The following SLTM variants were observed in gnomAD, a reference collection of about 807,000 sequenced individuals.
SLTM encodes the protein SAFB like transcription modulator, also known as SAFB-like transcription modulator.
Under a neutral mutation model 134.6 loss-of-function variants are expected in SLTM, and 43 were observed. The observed-to-expected ratio is 0.32, with a 90% CI of 0.25 to 0.41. The LOEUF is 0.41. Ranked by LOEUF, SLTM falls within the 10% of genes least tolerant of loss-of-function variation. SLTM has a pLI of 1.00. For missense variants in SLTM, 1,055 were observed against 1,288.8 expected (o/e 0.82, Z 2.78); for synonymous variants, 424 against 432.3 (o/e 0.98, Z 0.24).
At chr15:58,928,115 A>G (rs1378088922) in intron 2 of SLTM, among the ~76,000 whole-genome samples, 2 of 152,230 alleles carry the variant, frequency 1.3e-5, no homozygotes. Context: ...GGTATTGCAA[A>G]TTAGTTTTAA....
chr15:58,926,009 CT>C (rs1340029192), intron 2 of SLTM, among the ~76,000 whole-genome samples: 1 of 152,150 alleles, frequency 6.6e-6, no homozygotes, highest in Non-Finnish European at 1.5e-5. Context: ...AAATTTCAAG[CT>C]TTAGTTTAGA....
intron 3 of SLTM, 139 bp from the exon 4 acceptor site, chr15:58,913,835 T>A: frequency 1.6e-6 from 1 of 629,168 alleles, no homozygotes; most frequent in Non-Finnish European, 2.7e-6. Context: ...TCATTTTACC[T>A]TATATATTTA....
In SLTM at chr15:58,889,484, C is replaced by T. The variant is rs764971827; in HGVS notation, c.2150G>A (p.Arg717His). 9 of 1,613,958 alleles carry T rather than the reference C, an allele frequency of 5.6e-6. No individual in the cohort carries two copies. Among genetic ancestry groups the T allele is most frequent in the South Asian group, 2.2e-5 (2 of 91,084 alleles). Residue 717 changes from arginine to histidine, a missense_variant, in exon 16 of 21, where the codon CGT becomes CAT. Physicochemically the swap from Arg to His is conservative, Grantham distance 29. This residue lies in a region of SLTM where 776 missense variants were observed against 962.2 expected (regional missense o/e 0.81). Transcript: ENST00000380516. ...GGAATTCCTTTTTTCTTGTTCATAA[C>T]GAAGCTGCTGTTGTTGCCTTCTGAG... ...EELRRQQQQLRYEQEKRNSLK... is the reference protein window; with the variant it reads ...EELRRQQQQLHYEQEKRNSLK...
intron 5 of SLTM, among the ~76,000 whole-genome samples, chr15:58,911,956 G>C (rs558891154): frequency 2.0e-5 from 3 of 152,192 alleles, no homozygotes; most frequent in African/African-American, 7.2e-5. Flanking sequence ...AAAAAATCAA[G>C]AAGAATGTAG....
chr15:58,933,506 T>C lies in SLTM; in HGVS notation c.60A>G (p.Lys20=). ...ASAASGQAEG[K]KITDLRVIDL... ...CGATGACCCGCAGATCGGTGATCTTTTTACCTTCCGCCTGACCCGAGGCGG... is the reference window on the plus strand; with the variant it reads ...CGATGACCCGCAGATCGGTGATCTTCTTACCTTCCGCCTGACCCGAGGCGG... The change falls in exon 1 of 21, where the codon AAA becomes AAG. Residue 20 remains lysine (K), a synonymous_variant. Transcript: ENST00000380516. The C allele has an allele frequency of 1.3e-6, 2 of 1,599,570 alleles. No individual in the cohort carries two copies. Among genetic ancestry groups the C allele is most frequent in the South Asian group, 1.1e-5 (1 of 89,402 alleles).
chr15:58,920,343 G>A (rs538093780), intron 2 of SLTM, among the ~76,000 whole-genome samples: 62 of 152,018 alleles, frequency 4.1e-4, no homozygotes, highest in African/African-American at 1.2e-3. Flanking sequence ...AATAAATAAG[G>A]CTGGGCACAG....
chr15:58,924,859 T>C (rs2037348162), intron 2 of SLTM, among the ~76,000 whole-genome samples: 1 of 152,192 alleles, frequency 6.6e-6, no homozygotes, highest in Non-Finnish European at 1.5e-5. Flanking sequence ...TCTTGCTCTA[T>C]CGCCCAGGGT....
chr15:58,899,801 G>A lies in SLTM; in HGVS notation c.726C>T (p.Asn242=). The stretch of plus-strand genomic sequence containing the variant: ...CTTCAGCCTGGATTGTGACCGAGAT[G>A]TTGTCATCCTCAGCTTCTTTCACAG... The part of the protein sequence containing the change: ...HTTVKEAEDD[N]ISVTIQAEDA... The change falls in exon 7 of 21, where the codon AAC becomes AAT. Residue 242 remains asparagine (N), a synonymous_variant. Transcript: ENST00000380516. This position sits in a 1 kb window ranked among gnomAD's most constrained non-coding sequence, Gnocchi z 5.0. 6.2e-7 allele frequency: 1 copy of A among 1,614,132 alleles called. No homozygotes were observed. The highest frequency in any genetic ancestry group is 1.3e-5 in the African/African-American group (1 of 75,044).
At chr15:58,880,226 C>T (rs1404257673) in intron 20 of SLTM, 119 bp from the exon 21 acceptor site, 1 of 1,360,564 alleles carries the variant, frequency 7.3e-7, no homozygotes, top group Non-Finnish European at 9.7e-7. Context: ...TTCAACAGTC[C>T]CGTGAGGTCT....
At chr15:58,898,016 C>T (rs548224289) in intron 8 of SLTM, 3 of 152,148 alleles carry the variant, frequency 2.0e-5, no homozygotes, top group Admixed American at 6.5e-5. Flanking sequence ...ATAATTTTTA[C>T]TCACTTTAAG....
At chr15:58,920,296 G>A (rs2036935160) in intron 2 of SLTM, among the ~76,000 whole-genome samples, 1 of 151,890 alleles carries the variant, frequency 6.6e-6, no homozygotes, top group Admixed American at 6.6e-5. Context: ...ACTCATGCCT[G>A]AGAGACAGAG....
At chr15:58,926,500 CAT>C (rs2037477516) in intron 2 of SLTM, among the ~76,000 whole-genome samples, 2 of 152,048 alleles carry the variant, frequency 1.3e-5, no homozygotes, top group South Asian at 2.1e-4. Context: ...ACAGAGTAAA[CAT>C]GTACTTAATT....
intron 10 of SLTM, 102 bp from the exon 11 acceptor site, chr15:58,894,295 T>C: frequency 1.4e-6 from 2 of 1,409,532 alleles, no homozygotes; most frequent in Non-Finnish European, 2.0e-6. Context: ...ATAGGAAAAA[T>C]ATAAGGAGAG....
intron 5 of SLTM, 127 bp downstream of exon 5, chr15:58,912,436 C>T (rs138796475): frequency 1.2e-5 from 11 of 883,324 alleles, no homozygotes; most frequent in Non-Finnish European, 1.7e-5. Flanking sequence ...GTGTACATCA[C>T]GTAAATAACT....
At chr15:58,919,544 T>A (rs2036879749) in intron 2 of SLTM, among the ~76,000 whole-genome samples, 1 of 152,010 alleles carries the variant, frequency 6.6e-6, no homozygotes, top group South Asian at 2.1e-4. Flanking sequence ...GAGAACTGCT[T>A]GAACCCAGGA....
chr15:58,912,807 G>A lies in SLTM; in HGVS notation c.514-197C>T, dbSNP rs1216515934. ...AATTAGCCATGTCGCTAGAGAATTAGAAATATTTCTCTTGAGCCCCTCATT... is the reference window on the plus strand; with the variant it reads ...AATTAGCCATGTCGCTAGAGAATTAAAAATATTTCTCTTGAGCCCCTCATT... On this transcript the variant is annotated intron_variant, in intron 4 of 20. Coordinates refer to ENST00000380516, the MANE Select transcript of SLTM (RefSeq NM_024755.4). 5 of 513,528 alleles carry A rather than the reference G, an allele frequency of 9.7e-6. No individual in the cohort carries two copies. The Admixed American group carries it at 1.6e-4, about 16-fold the overall frequency. The allele number at this position is 513,528 out of a possible 1,614,324, so 31.8% of individuals were successfully genotyped here.
intron 20 of SLTM, among the ~76,000 whole-genome samples, chr15:58,882,660 A>G (rs1468443201): frequency 1.3e-5 from 2 of 152,272 alleles, no homozygotes; most frequent in Non-Finnish European, 2.9e-5. Flanking sequence ...GAGCTTGTGC[A>G]GGCAGAAGTA....
At position 58,917,024 on chromosome 15, in the gene SLTM, A is replaced by G. The variant is rs770416376; in HGVS notation, c.251-25T>C. 1.2e-6 allele frequency: 2 copies of G among 1,609,080 alleles called. 1 individual carries two copies. Among genetic ancestry groups the G allele is most frequent in the South Asian group, 2.2e-5 (2 of 90,914 alleles). On this transcript the variant is annotated intron_variant, in intron 2 of 20. Transcript: ENST00000380516. ...CCTGCGAAAGAAGGAAAATGGGCTA[A>G]CAACCAATATTTTATTACTTTAAGA...
At position 58,913,704 on chromosome 15, in the gene SLTM, T is replaced by TG. The variant is rs780196275; in HGVS notation, c.316-9dup. ...ATTCTCCAATTCACAGTCCTTTTAA[T>TG]GGTAAGAAAATTTGGTACAACTAGA... On this transcript the variant is annotated splice_polypyrimidine_tract_variant and intron_variant, in intron 3 of 20. Coordinates refer to ENST00000380516, the MANE Select transcript of SLTM (RefSeq NM_024755.4). 1.1e-5 allele frequency: 17 copies of TG among 1,612,132 alleles called. No homozygotes were observed. Among genetic ancestry groups the TG allele is most frequent in the Non-Finnish European group, 1.4e-5 (17 of 1,179,156 alleles).
Sources: allele counts gnomAD v4.1 joint callset (sites outside exome capture counted in the v4.1 genomes callset), GRCh38; gene constraint gnomAD v4.1.1; regional missense constraint gnomAD v4.1.1; non-coding constraint Gnocchi (gnomAD v3.1); transcripts MANE v1.5; gene names NCBI Gene and HGNC (gene_info 2026-07-23, HGNC 2026-07-21).